Variants in ITGA3 observed in about 807,000 individuals in gnomAD.
ITGA3 encodes the protein integrin alpha-3.
A neutral mutation model predicts 131.1 loss-of-function variants in ITGA3; 70 were observed. The observed-to-expected ratio is 0.53, with a 90% CI of 0.44 to 0.65. The LOEUF (loss-of-function observed/expected upper bound fraction) is 0.65, where lower values mean the gene tolerates loss of function less well. Among genes scored for constraint, ITGA3 ranks in the 30% least tolerant of loss-of-function variants. ITGA3 has a pLI of 0.00. For synonymous variants in ITGA3, 537 were observed against 571.6 expected (o/e 0.94, Z 0.86); for missense variants, 1,098 against 1,388.6 (o/e 0.79, Z 3.33).
rs750078839 is a variant in ITGA3 at position 50,075,468 on chromosome 17, G to A, written c.1479G>A (p.Val493=). The stretch of plus-strand genomic sequence containing the variant: ...TACATCCCTCCAACAGTGTGCAAGT[G>A]GAGCTGTGCTTTGCTTACAACCAGA... ...ALCTATSCVQ[V]ELCFAYNQSA... Residue 493 remains valine (V), a synonymous_variant, in exon 11 of 26, where the codon GTG becomes GTA. Transcript: ENST00000320031. The A allele has an allele frequency of 6.2e-7, 1 of 1,614,188 alleles. No homozygotes were observed. The highest frequency in any genetic ancestry group is 1.1e-5 in the South Asian group (1 of 91,078).
Position 50,068,197 on chromosome 17 carries a change from A to G in ITGA3, c.556A>G (p.Asn186Asp), listed in dbSNP as rs377525741. Reference sequence around the variant, plus strand: ...GCAGACCTACCACAACGAGATGTGCAATAGCAACACAGACTACCTGGAGAC... The same window carrying G: ...GCAGACCTACCACAACGAGATGTGCGATAGCAACACAGACTACCTGGAGAC... ...DWQTYHNEMC[N>D]SNTDYLETGM... is the part of the protein sequence containing the mutation. Residue 186 changes from asparagine (N) to aspartate (D), a missense_variant, in exon 4 of 26, where the codon AAT becomes GAT. By Grantham distance (23) the Asn-to-Asp change is conservative. Coordinates refer to ENST00000320031, the MANE Select transcript of ITGA3 (RefSeq NM_002204.4). 79 of 1,614,078 alleles carry G rather than the reference A, an allele frequency of 4.9e-5. No individual in the cohort carries two copies. The highest frequency in any genetic ancestry group is 1.5e-5 in the Non-Finnish European group (18 of 1,180,054).
chr17:50,088,009 A>G, intron 24 of ITGA3, 140 bp downstream of exon 24: 2 of 1,275,826 alleles, frequency 1.6e-6, no homozygotes, highest in South Asian at 1.5e-5. Flanking sequence ...ACCTTCTACC[A>G]CCAGCTTACA....
At chr17:50,081,902 A>G (rs1323449484) in intron 23 of ITGA3, among the ~76,000 whole-genome samples, 1 of 152,226 alleles carries the variant, frequency 6.6e-6, no homozygotes, top group Non-Finnish European at 1.5e-5. Flanking sequence ...AAGGCAGGAT[A>G]TCAAGGCAGA....
Position 50,088,326 on chromosome 17 carries a change from C to A in ITGA3, c.3147C>A (p.Asp1049Glu). Residue 1049 changes from aspartate (D) to glutamate (E), a missense_variant, in exon 25 of 26, where the codon GAC becomes GAA. Asp to Glu is a conservative substitution (Grantham distance 45, BLOSUM62 2). This residue lies in a region of ITGA3 where 699 missense variants were observed against 829.2 expected (regional missense o/e 0.84). Coordinates refer to ENST00000320031, the MANE Select transcript of ITGA3 (RefSeq NM_002204.4). Reference protein sequence around the residue: ...SQPSETERLTDDY With the variant: ...SQPSETERLTEDY The stretch of plus-strand genomic sequence containing the variant: ...CGTCAGAGACAGAGAGGCTGACCGA[C>A]GACTACTGAGGGGGCAGCCCCCCGC... 6.4e-7 allele frequency: 1 copy of A among 1,574,586 alleles called. No individual in the cohort carries two copies. Among genetic ancestry groups the A allele is most frequent in the Non-Finnish European group, 8.6e-7 (1 of 1,160,436 alleles).
Position 50,068,076 on chromosome 17 carries a change from C to T in ITGA3, c.435C>T (p.Thr145=), listed in dbSNP as rs1304782577. The change falls in exon 4 of 26, where the codon ACC becomes ACT. Residue 145 remains threonine, a synonymous_variant. Transcript: ENST00000320031. ...GRVLVCAHRY[T]QVLWSGSEDQ... The stretch of plus-strand genomic sequence containing the variant: ...CCCAGGTCTGTGCCCACCGCTACAC[C>T]CAGGTGCTGTGGTCAGGGTCAGAAG... The T allele has an allele frequency of 4.3e-6, 7 of 1,613,924 alleles. No individual in the cohort carries two copies. The highest frequency in any genetic ancestry group is 3.3e-5 in the Admixed American group (2 of 60,006).
At position 50,064,180 on chromosome 17, in the gene ITGA3, G is replaced by A. The variant is rs1486430372; in HGVS notation, c.310G>A (p.Glu104Lys). ...CPLTAHKDDC[E>K]RMNITVKNDP... is the part of the protein sequence containing the mutation. ...ACTCACTGCCCACAAGGATGACTGT[G>A]AGCGGATGAACATCACAGTGAAAAG... Residue 104 changes from glutamate (E) to lysine (K), a missense_variant, in exon 2 of 26, where the codon GAG becomes AAG. Glu to Lys is a moderately conservative substitution (Grantham distance 56, BLOSUM62 1). Coordinates refer to ENST00000320031, the MANE Select transcript of ITGA3 (RefSeq NM_002204.4). This position sits in a 1 kb window ranked among gnomAD's most constrained non-coding sequence, Gnocchi z 4.4. The A allele has an allele frequency of 1.9e-6, 3 of 1,609,826 alleles. No individual in the cohort carries two copies. Among genetic ancestry groups the A allele is most frequent in the East Asian group, 2.2e-5 (1 of 44,770 alleles).
chr17:50,077,939 A>G, intron 16 of ITGA3, 107 bp from the exon 17 acceptor site: 1 of 868,830 alleles, frequency 1.2e-6, no homozygotes, highest in Admixed American at 2.1e-5. Context: ...GAGGAGGAGG[A>G]GAAGGCCAGA....
chr17:50,070,701 A>G (rs560088256), intron 4 of ITGA3, 143 bp from the exon 5 acceptor site: 2 of 451,938 alleles, frequency 4.4e-6, no homozygotes, highest in Admixed American at 3.4e-5. Context: ...GATGTGTTTT[A>G]TAAATGGCAA....
At chr17:50,075,165 T>C (rs763241640) in intron 10 of ITGA3, among the ~76,000 whole-genome samples, 4 of 152,170 alleles carry the variant, frequency 2.6e-5, no homozygotes, top group East Asian at 1.9e-4. Context: ...TTGGCCGACC[T>C]AGGTTCAAGA....
intron 4 of ITGA3, among the ~76,000 whole-genome samples, chr17:50,070,383 C>T (rs1295893942): frequency 6.6e-6 from 1 of 152,148 alleles, no homozygotes; most frequent in East Asian, 1.9e-4. Flanking sequence ...CAGTGGCTGA[C>T]ACCTGTAATC....
Position 50,078,836 on chromosome 17 carries a change from G to A in ITGA3, c.2310G>A (p.Arg770=). The A allele has an allele frequency of 6.2e-7, 1 of 1,609,664 alleles. No individual in the cohort carries two copies. Among genetic ancestry groups the A allele is most frequent in the East Asian group, 2.2e-5 (1 of 44,870 alleles). The change falls in exon 19 of 26, where the codon CGG becomes CGA. Residue 770 remains arginine (R), a synonymous_variant. Transcript: ENST00000320031. ...TTCTTACCCCTAGGGTAAATCACCG[G>A]CTACAAAGCTTCTTTGGGGGGACAG... ...LQTSLSMVNH[R]LQSFFGGTVM...
intron 1 of ITGA3, among the ~76,000 whole-genome samples, chr17:50,058,366 G>C (rs931442677): frequency 6.6e-6 from 1 of 152,220 alleles, no homozygotes; most frequent in African/African-American, 2.4e-5. Context: ...TGGAGGGAGG[G>C]GAACAGCATG....
At chr17:50,069,719 G>A (rs924897724) in intron 4 of ITGA3, among the ~76,000 whole-genome samples, 2 of 152,042 alleles carry the variant, frequency 1.3e-5, no homozygotes, top group African/African-American at 4.8e-5. Context: ...AAAAGTCATG[G>A]GCACTTTTTC....
intron 4 of ITGA3, 47 bp from the exon 5 acceptor site, chr17:50,070,797 G>C (rs758927070): frequency 1.5e-6 from 2 of 1,291,056 alleles, no homozygotes; most frequent in Non-Finnish European, 1.1e-6. Flanking sequence ...ACCAGAAACC[G>C]GTGGTGACTT....
At chr17:50,088,503 C>T in intron 25 of ITGA3, 137 bp downstream of exon 25, 1 of 584,350 alleles carries the variant, frequency 1.7e-6, no homozygotes. Flanking sequence ...GATCAGGTCA[C>T]TCTGACTGTC....
In ITGA3 at chr17:50,070,961, G is replaced by A. The variant is rs1908598103; in HGVS notation, c.751+31G>A. ...TACAGTAGTGGTAGCCCATCAAGTG[G>A]TAGAGGGGAAGGGGGCTTAGTCCCT... On this transcript the variant is annotated intron_variant, in intron 5 of 25. Transcript: ENST00000320031. 2.2e-6 allele frequency: 3 copies of A among 1,372,644 alleles called. No individual in the cohort carries two copies. In the East Asian group the frequency reaches 6.8e-5, roughly 31 times the overall value. The allele number at this position is 1,372,644 out of a possible 1,614,324, so 85.0% of individuals were successfully genotyped here.
intron 4 of ITGA3, among the ~76,000 whole-genome samples, chr17:50,070,221 A>T (rs1908559199): frequency 6.6e-6 from 1 of 152,190 alleles, no homozygotes. Context: ...AGCATCTAAT[A>T]TCCAGGAGCC....
Position 50,056,742 on chromosome 17 carries a change from T to C in ITGA3, c.206+97T>C. On this transcript the variant is annotated intron_variant, in intron 1 of 25. Coordinates refer to ENST00000320031, the MANE Select transcript of ITGA3 (RefSeq NM_002204.4). The surrounding 1 kb of genome is among the most constrained non-coding windows in gnomAD (Gnocchi z 5.6). Reference sequence around the variant, plus strand: ...GTCGGAGCCCAGGGCAGCTGGCCCTTGGGAGCCAGGATTAAGGGGCGGCCC... The same window carrying C: ...GTCGGAGCCCAGGGCAGCTGGCCCTCGGGAGCCAGGATTAAGGGGCGGCCC... The C allele has an allele frequency of 7.8e-7, 1 of 1,279,818 alleles. No homozygotes were observed. Among genetic ancestry groups the C allele is most frequent in the Non-Finnish European group, 1.1e-6 (1 of 931,186 alleles). The allele number at this position is 1,279,818 out of a possible 1,614,324, so 79.3% of individuals were successfully genotyped here. A position where few individuals can be genotyped will look rare whatever the true frequency, so the allele number is the denominator to read the frequency against.
chr17:50,088,467 C>A, intron 25 of ITGA3, 101 bp downstream of exon 25: 1 of 630,854 alleles, frequency 1.6e-6, no homozygotes, highest in Non-Finnish European at 2.8e-6. Context: ...GCTCTGACCT[C>A]ATTCTGTCCC....
Sources: allele counts gnomAD v4.1 joint callset (sites outside exome capture counted in the v4.1 genomes callset), GRCh38; gene constraint gnomAD v4.1.1; regional missense constraint gnomAD v4.1.1; non-coding constraint Gnocchi (gnomAD v3.1); transcripts MANE v1.5; gene names NCBI Gene and HGNC (gene_info 2026-07-23, HGNC 2026-07-21).